Variants in SENP7 observed in about 807,000 individuals in gnomAD.
SENP7 encodes the protein sentrin-specific protease 7.
SENP7 carries 64 observed loss-of-function variants against 141.2 expected under a neutral mutation model. The observed-to-expected ratio is 0.45, with a 90% CI of 0.37 to 0.56. The LOEUF (loss-of-function observed/expected upper bound fraction) is 0.56, where lower values mean the gene tolerates loss of function less well. SENP7 is among the 20% of genes least tolerant of loss of function. SENP7 has a pLI of 0.00. For missense variants in SENP7, 1,025 were observed against 1,212.2 expected (o/e 0.85, Z 2.29); for synonymous variants, 382 against 426.4 (o/e 0.90, Z 1.28).
chr3:101,431,910 T>G (rs958045625), intron 4 of SENP7, among the ~76,000 whole-genome samples: 8 of 152,186 alleles, frequency 5.3e-5, no homozygotes, highest in African/African-American at 1.9e-4. Flanking sequence ...TCTTATTCTT[T>G]GAAATTAAAA....
intron 4 of SENP7, among the ~76,000 whole-genome samples, chr3:101,429,688 T>C (rs1230558090): frequency 6.6e-6 from 1 of 152,184 alleles, no homozygotes; most frequent in Non-Finnish European, 1.5e-5. Flanking sequence ...TATTTCTTTC[T>C]CTTGCCTGAT....
intron 3 of SENP7, among the ~76,000 whole-genome samples, chr3:101,465,696 T>C (rs2063736285): frequency 6.6e-6 from 1 of 152,006 alleles, no homozygotes; most frequent in South Asian, 2.1e-4. Flanking sequence ...AAAACAGCTG[T>C]TGAAATAAAC....
intron 2 of SENP7, among the ~76,000 whole-genome samples, chr3:101,499,433 A>G (rs1319269387): frequency 6.6e-6 from 1 of 152,072 alleles, no homozygotes; most frequent in Non-Finnish European, 1.5e-5. Context: ...CAATGGCGCA[A>G]TCTCGGCTCA....
intron 2 of SENP7, among the ~76,000 whole-genome samples, chr3:101,499,306 T>C (rs1391302852): frequency 1.3e-5 from 2 of 152,094 alleles, no homozygotes; most frequent in East Asian, 3.8e-4. Context: ...ACAAAAATAG[T>C]GGTAGTTAAT....
chr3:101,325,955 G>A lies in SENP7; in HGVS notation c.3141C>T (p.Gly1047=). ...ILKLHLQQQK[G]SSS ...TTGTACAGATTAACTAGCTACTGCT[G>A]CCCTTCTGTTGCTGTAAATGAAGTT... The change falls in exon 24 of 24, where the codon GGC becomes GGT. Residue 1047 remains glycine, a synonymous_variant. Coordinates refer to ENST00000394095, the MANE Select transcript of SENP7 (RefSeq NM_020654.5). 1 of 1,608,494 alleles carries A rather than the reference G, an allele frequency of 6.2e-7. No homozygotes were observed. The highest frequency in any genetic ancestry group is 8.5e-7 in the Non-Finnish European group (1 of 1,177,288).
intron 6 of SENP7, among the ~76,000 whole-genome samples, chr3:101,380,445 CCA>C (rs1553707805): frequency 3.9e-5 from 5 of 128,826 alleles, no homozygotes; most frequent in African/African-American, 8.5e-5. Context: ...GCCCCCCCCC[CCA>C]CACACACACA....
chr3:101,358,281 C>T (rs2107322113), intron 11 of SENP7: 1 of 1,068,786 alleles, frequency 9.4e-7, no homozygotes, highest in African/African-American at 1.6e-5. Flanking sequence ...TGTGGCAAAG[C>T]TTTTAACTGG....
chr3:101,394,482 T>C (rs545718655), intron 6 of SENP7, among the ~76,000 whole-genome samples: 1 of 152,160 alleles, frequency 6.6e-6, no homozygotes, highest in South Asian at 2.1e-4. Flanking sequence ...TACTGGATTG[T>C]ACAGTGGTTC....
At chr3:101,486,481 C>A (rs1310389441) in intron 3 of SENP7, among the ~76,000 whole-genome samples, 1 of 152,130 alleles carries the variant, frequency 6.6e-6, no homozygotes, top group Non-Finnish European at 1.5e-5. Context: ...AATTATCAGA[C>A]AAGAATTCTG....
At chr3:101,422,794 A>G (rs1450256867) in intron 4 of SENP7, among the ~76,000 whole-genome samples, 1 of 152,140 alleles carries the variant, frequency 6.6e-6, no homozygotes, top group Non-Finnish European at 1.5e-5. Flanking sequence ...TTATAATTGT[A>G]GGAAGACCCA....
At position 101,325,770 on chromosome 3, in the gene SENP7, T is replaced by G. The variant is rs1223342811; in HGVS notation, c.*173A>C. On this transcript the variant is annotated 3_prime_UTR_variant, in exon 24 of 24. Transcript: ENST00000394095. Reference sequence around the variant, plus strand: ...ATCACCCCCATTCCCATTCCATCTATGAGATCCCAACAATTCTAATAATGT... The same window carrying G: ...ATCACCCCCATTCCCATTCCATCTAGGAGATCCCAACAATTCTAATAATGT... The G allele has an allele frequency of 1.6e-4, 68 of 438,098 alleles. No homozygotes were observed. Among genetic ancestry groups the G allele is most frequent in the East Asian group, 1.9e-4 (5 of 26,588 alleles). 27.1% of individuals were successfully genotyped at this position (438,098 alleles called of 1,614,324 possible).
intron 4 of SENP7, among the ~76,000 whole-genome samples, chr3:101,424,954 A>G (rs867949414): frequency 6.6e-6 from 1 of 152,166 alleles, no homozygotes; most frequent in East Asian, 1.9e-4. Context: ...AATACGCCTC[A>G]TGAGATCTAA....
intron 4 of SENP7, among the ~76,000 whole-genome samples, chr3:101,453,235 T>C (rs1383820833): frequency 6.6e-6 from 1 of 152,208 alleles, no homozygotes; most frequent in East Asian, 1.9e-4. Context: ...GGAGAGAATG[T>C]GGAGAAACTG....
At chr3:101,457,659 C>A in intron 4 of SENP7, 2 of 1,474,916 alleles carry the variant, frequency 1.4e-6, no homozygotes, top group Non-Finnish European at 9.5e-7. Flanking sequence ...ACGAGCAGTT[C>A]CTTTCCCACC....
intron 7 of SENP7, 108 bp downstream of exon 7, chr3:101,371,900 T>C (rs1025848342): frequency 3.7e-5 from 15 of 409,444 alleles, no homozygotes; most frequent in African/African-American, 2.9e-4. Flanking sequence ...TCCCTTTACT[T>C]TCACATATCC....
intron 6 of SENP7, among the ~76,000 whole-genome samples, chr3:101,384,591 C>A (rs2060598795): frequency 6.6e-6 from 1 of 152,222 alleles, no homozygotes; most frequent in African/African-American, 2.4e-5. Flanking sequence ...CTGCCCGTCC[C>A]ACCACAGCCG....
chr3:101,403,909 TA>T (rs1241783153), intron 5 of SENP7, among the ~76,000 whole-genome samples: 1 of 151,898 alleles, frequency 6.6e-6, no homozygotes. Context: ...AACATTACTT[TA>T]AAAAATCAGA....
intron 1 of SENP7, among the ~76,000 whole-genome samples, chr3:101,503,847 T>C (rs1469463288): frequency 6.6e-6 from 1 of 151,904 alleles, no homozygotes; most frequent in Non-Finnish European, 1.5e-5. Flanking sequence ...CTCAGTAGGC[T>C]GAGGTGGGAA....
chr3:101,431,508 CTTTTTTTTTT>C (rs56937965), intron 4 of SENP7, among the ~76,000 whole-genome samples: 844 of 82,934 alleles, frequency 0.01, 19 homozygotes, highest in African/African-American at 0.04. Context: ...GCAACCCCTG[CTTTTTTTTTT>C]TTTTTTTTTT....
Sources: gnomAD v4.1 joint callset for allele counts (sites outside exome capture counted in the v4.1 genomes callset) on GRCh38, gnomAD v4.1.1 for gene constraint, MANE v1.5 for transcripts, NCBI Gene and HGNC (gene_info 2026-07-23, HGNC 2026-07-21) for gene names.